The following DSCAML1 variants were observed in gnomAD, a reference collection of about 807,000 sequenced individuals.
The protein encoded by DSCAML1 is cell adhesion molecule DSCAML1.
A neutral mutation model predicts 200.5 loss-of-function variants in DSCAML1; 38 were observed. The ratio of observed to expected loss-of-function variants is 0.19; its 90% CI spans 0.15 to 0.25. The LOEUF is 0.25. Ranked by LOEUF, DSCAML1 falls within the 10% of genes least tolerant of loss-of-function variation. The pLI is 1.00. For synonymous variants in DSCAML1, 1,215 were observed against 1,165.0 expected (o/e 1.04, Z -0.87); for missense variants, 2,223 against 2,858.8 (o/e 0.78, Z 5.07).
chr11:117,731,954 G>C (rs895234268), intron 3 of DSCAML1, among the ~76,000 whole-genome samples: 2 of 152,188 alleles, frequency 1.3e-5, no homozygotes, highest in African/African-American at 4.8e-5. Flanking sequence ...GCAAGATCAG[G>C]CTGGACAGAG....
chr11:117,432,970 A>G (rs1325769623), intron 29 of DSCAML1, among the ~76,000 whole-genome samples, 168 bp downstream of exon 29: 1 of 152,138 alleles, frequency 6.6e-6, no homozygotes, highest in Non-Finnish European at 1.5e-5. Context: ...GAGGAGGAAA[A>G]TTAGCCCTTG....
chr11:117,714,166 G>T (rs765077880), intron 3 of DSCAML1, among the ~76,000 whole-genome samples: 1 of 152,178 alleles, frequency 6.6e-6, no homozygotes, highest in Non-Finnish European at 1.5e-5. Flanking sequence ...AGTACCTGGG[G>T]CATAGTAAGT....
chr11:117,487,568 C>CA (rs2049101110), intron 11 of DSCAML1, among the ~76,000 whole-genome samples: 1 of 152,136 alleles, frequency 6.6e-6, no homozygotes, highest in Non-Finnish European at 1.5e-5. Context: ...GTGGGCGGCC[C>CA]GGTATCACTG....
chr11:117,707,209 T>G (rs656777), intron 3 of DSCAML1, among the ~76,000 whole-genome samples: 1 of 152,178 alleles, frequency 6.6e-6, no homozygotes. Context: ...TAGGGGAGCA[T>G]GCTATTTAGG....
intron 3 of DSCAML1, among the ~76,000 whole-genome samples, chr11:117,743,206 G>C (rs1421268347): frequency 6.6e-6 from 1 of 152,200 alleles, no homozygotes; most frequent in Non-Finnish European, 1.5e-5. Context: ...GTCTTACATA[G>C]CACAGACGAG....
chr11:117,508,991 C>A (rs1300007894), intron 8 of DSCAML1, among the ~76,000 whole-genome samples: 11 of 152,114 alleles, frequency 7.2e-5, no homozygotes, highest in Admixed American at 7.2e-4. Context: ...ACTAATTCAT[C>A]TAATATTTAT....
At chr11:117,687,014 GGCT>G (rs1415103694) in intron 3 of DSCAML1, among the ~76,000 whole-genome samples, 7 of 152,216 alleles carry the variant, frequency 4.6e-5, no homozygotes, top group African/African-American at 1.7e-4. Flanking sequence ...GCTGTGGGTA[GGCT>G]CTTATTAACC....
At chr11:117,789,274 C>T (rs191444900) in intron 1 of DSCAML1, among the ~76,000 whole-genome samples, 6 of 152,314 alleles carry the variant, frequency 3.9e-5, no homozygotes, top group South Asian at 4.1e-4. Context: ...AGCTGACTGT[C>T]GGACAGACTC....
At chr11:117,750,758 AAGCAG>A (rs1236401201) in intron 3 of DSCAML1, among the ~76,000 whole-genome samples, 3 of 152,212 alleles carry the variant, frequency 2.0e-5, no homozygotes, top group African/African-American at 7.2e-5. Flanking sequence ...TTGAGCAAAT[AAGCAG>A]AGCCACATAG....
chr11:117,486,395 G>A lies in DSCAML1; in HGVS notation c.2360-4233C>T, dbSNP rs866017627. 2.8e-4 allele frequency among the ~76,000 whole-genome samples: 42 copies of A among 148,686 alleles called. 1 individual carries two copies. The highest frequency in any genetic ancestry group is 8.6e-4 in the South Asian group (4 of 4,646). On this transcript the variant is annotated intron_variant, in intron 11 of 32. Transcript: ENST00000651296. The stretch of plus-strand genomic sequence containing the variant: ...TGATGTGAAAATGGCGGATGTGAAA[G>A]TGGCGGATGGGAAAGTGGCGGATGT...
In DSCAML1 at chr11:117,698,760, T is replaced by C. The variant is rs12575217; in HGVS notation, c.511+78031A>G. Among the ~76,000 whole-genome samples the C allele has an allele frequency of 1.6e-3, 239 of 152,348 alleles. 6 individuals are homozygous for C. In the East Asian group the frequency reaches 0.043, roughly 28 times the overall value. On this transcript the variant is annotated intron_variant, in intron 3 of 32. Coordinates refer to ENST00000651296, the MANE Select transcript of DSCAML1 (RefSeq NM_020693.4). ...TGTCTATTCCATCCATTTCGGAATC[T>C]GGTTGTTTTAAACCATGATGTTTTT... is the stretch of plus-strand genomic sequence containing the variant.
At chr11:117,601,440 G>C (rs909561353) in intron 3 of DSCAML1, among the ~76,000 whole-genome samples, 1 of 152,188 alleles carries the variant, frequency 6.6e-6, no homozygotes, top group East Asian at 1.9e-4. Context: ...TCCAAGATCA[G>C]GACCAGCCTA....
chr11:117,762,042 C>G (rs1460477305), intron 3 of DSCAML1, among the ~76,000 whole-genome samples: 1 of 152,168 alleles, frequency 6.6e-6, no homozygotes, highest in South Asian at 2.1e-4. Flanking sequence ...AGTACAGCAT[C>G]GACTCACTCC....
chr11:117,456,515 C>T (rs920911320), intron 19 of DSCAML1, among the ~76,000 whole-genome samples: 1 of 152,136 alleles, frequency 6.6e-6, no homozygotes, highest in African/African-American at 2.4e-5. Flanking sequence ...GTTTTCTCCC[C>T]TGTAACATGG....
At chr11:117,565,342 T>C (rs1052162954) in intron 3 of DSCAML1, among the ~76,000 whole-genome samples, 3 of 152,258 alleles carry the variant, frequency 2.0e-5, no homozygotes, top group Non-Finnish European at 4.4e-5. Context: ...GTTTCTCTTC[T>C]AGCTATTCTG....
chr11:117,744,787 G>A (rs748771), intron 3 of DSCAML1, among the ~76,000 whole-genome samples: 127,624 of 152,288 alleles, frequency 0.84, 55,116 homozygotes, highest in Non-Finnish European at 0.94. Context: ...GGAGACCCAC[G>A]GGAGACCACA....
rs1210939632 is a variant in DSCAML1 at position 117,617,690 on chromosome 11, A to G, written c.512-85168T>C. Among the ~76,000 whole-genome samples the G allele has an allele frequency of 3.1e-3, 240 of 78,676 alleles. 1 individual carries two copies. Among genetic ancestry groups the G allele is most frequent in the Non-Finnish European group, 5.2e-3 (189 of 36,434 alleles). 51.6% of individuals were successfully genotyped at this position (78,676 alleles called of 152,430 possible). Reference sequence around the variant, plus strand: ...AACACACAGGTACACGCACACACACACACACACACACACACACACACACAC... The same window carrying G: ...AACACACAGGTACACGCACACACACGCACACACACACACACACACACACAC... On this transcript the variant is annotated intron_variant, in intron 3 of 32. Transcript: ENST00000651296.
chr11:117,722,818 T>C (rs2054063064), intron 3 of DSCAML1, among the ~76,000 whole-genome samples: 2 of 152,130 alleles, frequency 1.3e-5, no homozygotes, highest in African/African-American at 4.8e-5. Context: ...TGCTGACAAA[T>C]CTCATCCCCC....
At chr11:117,628,120 C>A (rs192101615) in intron 3 of DSCAML1, among the ~76,000 whole-genome samples, 1 of 152,322 alleles carries the variant, frequency 6.6e-6, no homozygotes, top group Admixed American at 6.5e-5. Context: ...ATTATTCCAA[C>A]TTCAAAGATG....
Sources: gnomAD v4.1 joint callset for allele counts (sites outside exome capture counted in the v4.1 genomes callset) on GRCh38, gnomAD v4.1.1 for gene constraint, MANE v1.5 for transcripts, NCBI Gene and HGNC (gene_info 2026-07-23, HGNC 2026-07-21) for gene names.